GALNT6: variants seen among roughly 807,000 people sequenced by gnomAD.
GALNT6 encodes polypeptide N-acetylgalactosaminyltransferase 6, also known as GalNAc transferase 6.
In GALNT6, 51 loss-of-function variants were observed where a neutral mutation model predicts 65.9. That is an observed-to-expected ratio of 0.77 (90% CI 0.62 to 0.98). The LOEUF (loss-of-function observed/expected upper bound fraction) is 0.98. Among genes scored for constraint, GALNT6 ranks in the 50% least tolerant of loss-of-function variants. The pLI is 0.00. For missense variants in GALNT6, 708 were observed against 803.3 expected (o/e 0.88, Z 1.43); for synonymous variants, 323 against 315.1 (o/e 1.02, Z -0.26).
In GALNT6 at chr12:51,379,287, T is replaced by G; in HGVS notation, c.491+4A>C. 1 of 1,521,032 alleles carries G rather than the reference T, an allele frequency of 6.6e-7. No individual in the cohort carries two copies. The highest frequency in any genetic ancestry group is 8.8e-7 in the Non-Finnish European group (1 of 1,137,634). The allele number at this position is 1,521,032 out of a possible 1,614,324, so 94.2% of individuals were successfully genotyped here. ...TCCCCACAAGGACTCTGGGTGCTAC[T>G]TACTCAGGTGGTCGGGTGTCTGGCC... On this transcript the variant is annotated splice_donor_region_variant and intron_variant, in intron 3 of 11. Coordinates refer to ENST00000356317, the MANE Select transcript of GALNT6 (RefSeq NM_007210.4).
chr12:51,364,167 G>C lies in GALNT6; in HGVS notation c.1003C>G (p.Pro335Ala), dbSNP rs1419500461. The stretch of plus-strand genomic sequence containing the variant: ...TTGCGCCTCTGCTTCTCATGTGGAG[G>C]AAGTGTTTCCCAGCCGAAGGTCAGG... ...WSLTFGWETL[P>A]PHEKQRRKDE... Residue 335 changes from proline to alanine, a missense_variant, in exon 6 of 12, where the codon CCT (proline) becomes GCT (alanine). Pro to Ala is a conservative substitution (Grantham distance 27). Coordinates refer to ENST00000356317, the MANE Select transcript of GALNT6 (RefSeq NM_007210.4). 4 of 1,614,156 alleles carry C rather than the reference G, an allele frequency of 2.5e-6. No homozygotes were observed. The highest frequency in any genetic ancestry group is 3.4e-6 in the Non-Finnish European group (4 of 1,180,010).
intron 4 of GALNT6, among the ~76,000 whole-genome samples, chr12:51,369,034 G>T (rs1947203780): frequency 6.6e-6 from 1 of 152,234 alleles, no homozygotes; most frequent in Admixed American, 6.5e-5. Flanking sequence ...GCCCTGACAG[G>T]AAGGAGGGAG....
chr12:51,366,312 A>G (rs1198706760), intron 4 of GALNT6, among the ~76,000 whole-genome samples: 1 of 152,108 alleles, frequency 6.6e-6, no homozygotes, highest in Non-Finnish European at 1.5e-5. Flanking sequence ...CCACAGCTCC[A>G]TTGCACGGTT....
intron 2 of GALNT6, 24 bp downstream of exon 2, chr12:51,390,826 A>G (rs905752686): frequency 5.3e-5 from 8 of 152,372 alleles, no homozygotes; most frequent in African/African-American, 1.9e-4. Context: ...CTCCACCCCC[A>G]TACACAGAAG....
intron 7 of GALNT6, chr12:51,359,808 G>A (rs1946863604): frequency 6.6e-6 from 1 of 152,656 alleles, no homozygotes; most frequent in South Asian, 2.1e-4. Flanking sequence ...TGCCTAGGAA[G>A]GTGAACAGAG....
In GALNT6 at chr12:51,379,717, A is replaced by G. The variant is rs367772048; in HGVS notation, c.65T>C (p.Leu22Pro). 37 of 1,613,788 alleles carry G rather than the reference A, an allele frequency of 2.3e-5. No individual in the cohort carries two copies. Among genetic ancestry groups the G allele is most frequent in the Non-Finnish European group, 2.9e-5 (34 of 1,179,996 alleles). Residue 22 changes from leucine to proline, a missense_variant, in exon 3 of 12, where the codon CTC (leucine) becomes CCC (proline). By Grantham distance (98) the Leu-to-Pro change is moderately conservative (BLOSUM62 -3). Coordinates refer to ENST00000356317, the MANE Select transcript of GALNT6 (RefSeq NM_007210.4). ...ATCCCTATGCAGGAGGAAGAGGAAG[A>G]GCACAAAGGCGCAGCCCACCATGGC... ...RLAMVGCAFV[L>P]FLFLLHRDVS...
intron 2 of GALNT6, among the ~76,000 whole-genome samples, chr12:51,384,518 C>A (rs985558340): frequency 6.8e-6 from 1 of 146,962 alleles, no homozygotes; most frequent in Non-Finnish European, 1.5e-5. Flanking sequence ...ATGGTGAAAC[C>A]CCTTCTCTAC....
At chr12:51,365,821 T>C (rs1336036889) in intron 4 of GALNT6, among the ~76,000 whole-genome samples, 2 of 152,182 alleles carry the variant, frequency 1.3e-5, no homozygotes, top group Non-Finnish European at 2.9e-5. Context: ...TCTGGCTCTG[T>C]GGTGCTAGAT....
intron 10 of GALNT6, 51 bp downstream of exon 10, chr12:51,357,298 A>G: frequency 8.3e-7 from 1 of 1,197,638 alleles, no homozygotes; most frequent in Non-Finnish European, 1.2e-6. Context: ...AGGGTAGAGA[A>G]AAGGAGCCGG....
In GALNT6 at chr12:51,360,830, G is replaced by T. The variant is rs1354872562; in HGVS notation, c.1058C>A (p.Thr353Lys). 2 of 1,607,864 alleles carry T rather than the reference G, an allele frequency of 1.2e-6. No individual in the cohort carries two copies. The highest frequency in any genetic ancestry group is 1.3e-5 in the African/African-American group (1 of 74,884). ...GATGGAGAAGAGGCCACCAGCAAAC[G>T]TCGGGGATCTGGAGAGACAGAGGGA... ...KDETYPIKSP[T>K]FAGGLFSISK... Residue 353 changes from threonine to lysine, a missense_variant, in exon 7 of 12, where the codon ACG becomes AAG. Physicochemically the swap from Thr to Lys is moderately conservative, Grantham distance 78. Coordinates refer to ENST00000356317, the MANE Select transcript of GALNT6 (RefSeq NM_007210.4).
chr12:51,385,420 C>A (rs919120476), intron 2 of GALNT6, among the ~76,000 whole-genome samples: 1 of 152,120 alleles, frequency 6.6e-6, no homozygotes, highest in East Asian at 1.9e-4. Context: ...TAAATGATTC[C>A]ATTTTCAAAT....
At chr12:51,369,004 A>T (rs1215505024) in intron 4 of GALNT6, among the ~76,000 whole-genome samples, 2 of 152,174 alleles carry the variant, frequency 1.3e-5, no homozygotes, top group Non-Finnish European at 2.9e-5. Flanking sequence ...CTCATAGTGC[A>T]CCTGCAGCCC....
intron 4 of GALNT6, among the ~76,000 whole-genome samples, chr12:51,372,012 C>T (rs1281058989): frequency 2.0e-5 from 3 of 152,152 alleles, no homozygotes; most frequent in Non-Finnish European, 4.4e-5. Context: ...CTTAAAGTAT[C>T]TCTAGCGTCT....
chr12:51,364,055 G>T, intron 6 of GALNT6, 66 bp downstream of exon 6: 2 of 1,052,042 alleles, frequency 1.9e-6, no homozygotes, highest in Non-Finnish European at 3.0e-6. Flanking sequence ...ATGTGAGATG[G>T]CACAGGTTCC....
intron 8 of GALNT6, 126 bp from the exon 9 acceptor site, chr12:51,358,387 C>G: frequency 9.1e-7 from 1 of 1,101,136 alleles, no homozygotes; most frequent in Non-Finnish European, 1.3e-6. Context: ...TGCAACCTTC[C>G]CCTCCTGGGT....
chr12:51,372,681 C>A (rs1233738086), intron 4 of GALNT6, among the ~76,000 whole-genome samples: 2 of 152,226 alleles, frequency 1.3e-5, no homozygotes, highest in Non-Finnish European at 1.5e-5. Context: ...CTCTGCCCTA[C>A]TGAACACAGG....
At chr12:51,363,270 A>G (rs1185140973) in intron 6 of GALNT6, among the ~76,000 whole-genome samples, 2 of 152,194 alleles carry the variant, frequency 1.3e-5, no homozygotes, top group Non-Finnish European at 2.9e-5. Context: ...ACAGTCTCCA[A>G]TAACACCAAC....
intron 2 of GALNT6, among the ~76,000 whole-genome samples, chr12:51,380,925 C>G (rs1947649857): frequency 6.6e-6 from 1 of 152,136 alleles, no homozygotes; most frequent in Non-Finnish European, 1.5e-5. Context: ...TGCTGGTGGA[C>G]TGTAATTCTT....
rs1265811667 is a variant in GALNT6 at position 51,354,259 on chromosome 12, C to G, written c.*120G>C. 5.2e-6 allele frequency: 3 copies of G among 580,360 alleles called. No individual in the cohort carries two copies. The highest frequency in any genetic ancestry group is 9.0e-6 in the Non-Finnish European group (3 of 335,174). The allele number at this position is 580,360 out of a possible 1,614,324, so 36.0% of individuals were successfully genotyped here. On this transcript the variant is annotated 3_prime_UTR_variant, in exon 12 of 12. Transcript: ENST00000356317. ...ATTAGGAAGGTCCTGCCTTGCCACC[C>G]AGTGGGTTTAGAAATCCATCTTTAC...
Sources: gnomAD v4.1 joint callset for allele counts (sites outside exome capture counted in the v4.1 genomes callset) on GRCh38, gnomAD v4.1.1 for gene constraint, MANE v1.5 for transcripts, NCBI Gene and HGNC (gene_info 2026-07-23, HGNC 2026-07-21) for gene names.